The following SGCZ variants were observed in gnomAD, a reference collection of about 807,000 sequenced individuals.
The protein encoded by SGCZ is sarcoglycan zeta, also known as zeta-sarcoglycan.
In SGCZ, 40 loss-of-function variants were observed where a neutral mutation model predicts 41.3. The ratio of observed to expected loss-of-function variants is 0.97; its 90% CI spans 0.75 to 1.26. The LOEUF (loss-of-function observed/expected upper bound fraction) is 1.26, where lower values mean the gene tolerates loss of function less well. Among genes scored for constraint, SGCZ ranks in the 50% most tolerant of loss-of-function variants. SGCZ has a pLI of 0.00. For synonymous variants in SGCZ, 206 were observed against 137.5 expected, an observed-to-expected ratio of 1.50 and a Z score of -3.49; for missense variants, 552 against 369.8, an observed-to-expected ratio of 1.49 and a Z score of -4.04.
intron 2 of SGCZ, among the ~76,000 whole-genome samples, chr8:14,513,599 G>C (rs978398215): frequency 8.2e-6 from 1 of 122,012 alleles, no homozygotes; most frequent in Non-Finnish European, 1.8e-5. Context: ...ATCTAAGAAA[G>C]AGATAATCCA....
intron 2 of SGCZ, among the ~76,000 whole-genome samples, chr8:14,383,347 C>G (rs1804440669): frequency 6.6e-6 from 1 of 152,180 alleles, no homozygotes. Context: ...CTGATTTTAT[C>G]ACTACTTAAC....
chr8:14,280,830 A>G (rs1800404251), intron 3 of SGCZ, among the ~76,000 whole-genome samples: 1 of 151,118 alleles, frequency 6.6e-6, no homozygotes, highest in African/African-American at 2.4e-5. Flanking sequence ...GACTTATATG[A>G]AAGGTGGTTT....
chr8:14,345,082 C>G (rs189791443), intron 2 of SGCZ, among the ~76,000 whole-genome samples: 1 of 152,016 alleles, frequency 6.6e-6, no homozygotes, highest in East Asian at 1.9e-4. Context: ...TCCTATTAAA[C>G]AGTAAGATAA....
At chr8:15,100,736 A>C (rs1806577075) in intron 1 of SGCZ, among the ~76,000 whole-genome samples, 1 of 152,210 alleles carries the variant, frequency 6.6e-6, no homozygotes, top group Admixed American at 6.5e-5. Flanking sequence ...TAATCCTGGC[A>C]TTTTGGGAGG....
At chr8:14,140,586 T>G (rs946836795) in intron 5 of SGCZ, among the ~76,000 whole-genome samples, 7 of 151,980 alleles carry the variant, frequency 4.6e-5, no homozygotes, top group African/African-American at 7.3e-5. Flanking sequence ...TCAAAGAGAA[T>G]AAAATACCTA....
At chr8:14,831,788 G>GTGTGTACACATACATGTATATA (rs11268632) in intron 1 of SGCZ, among the ~76,000 whole-genome samples, 131,178 of 148,612 alleles carry the variant, frequency 0.88, 58,652 homozygotes, top group South Asian at 0.95. Context: ...ACGTATATAT[G>GTGTGTACACATACATGTATATA]TGTGTACACA....
intron 1 of SGCZ, among the ~76,000 whole-genome samples, chr8:14,561,857 T>C (rs918339901): frequency 3.9e-5 from 6 of 152,144 alleles, no homozygotes; most frequent in African/African-American, 9.7e-5. Context: ...TGTTATAAGG[T>C]TCAATGAAAG....
At chr8:14,171,497 A>G (rs1020400521) in intron 4 of SGCZ, among the ~76,000 whole-genome samples, 1 of 152,054 alleles carries the variant, frequency 6.6e-6, no homozygotes, top group East Asian at 1.9e-4. Flanking sequence ...GTACCAATTC[A>G]GTACAAGTTC....
At chr8:14,437,840 T>A (rs1190494089) in intron 2 of SGCZ, among the ~76,000 whole-genome samples, 2 of 151,914 alleles carry the variant, frequency 1.3e-5, no homozygotes, top group Non-Finnish European at 2.9e-5. Context: ...AATTTTAATA[T>A]AAGGATTTGT....
At chr8:14,165,416 A>G (rs1804177815) in intron 4 of SGCZ, 1 of 152,166 alleles carries the variant, frequency 6.6e-6, no homozygotes, top group Admixed American at 6.5e-5. Context: ...GCCAGCTTCC[A>G]TATTTAGAAA....
intron 1 of SGCZ, among the ~76,000 whole-genome samples, chr8:14,806,731 G>C (rs1385431701): frequency 6.6e-6 from 1 of 152,150 alleles, no homozygotes. Context: ...ACTCATTTTA[G>C]GGAGTTAGCA....
intron 1 of SGCZ, among the ~76,000 whole-genome samples, chr8:15,002,510 A>T (rs184631720): frequency 6.6e-6 from 1 of 152,244 alleles, no homozygotes; most frequent in East Asian, 1.9e-4. Flanking sequence ...AGAAATAGGA[A>T]CCCAGCAGCC....
intron 1 of SGCZ, among the ~76,000 whole-genome samples, chr8:14,578,057 T>C (rs1804770416): frequency 6.6e-6 from 1 of 152,184 alleles, no homozygotes; most frequent in Non-Finnish European, 1.5e-5. Flanking sequence ...TTGTGCACCA[T>C]TCCTTACTCA....
At chr8:14,279,261 C>G (rs1212113933) in intron 3 of SGCZ, among the ~76,000 whole-genome samples, 2 of 151,956 alleles carry the variant, frequency 1.3e-5, no homozygotes, top group Non-Finnish European at 2.9e-5. Flanking sequence ...ATTCATAAAA[C>G]ATAGCATTTA....
chr8:14,615,843 A>C (rs1806082323), intron 1 of SGCZ, among the ~76,000 whole-genome samples: 1 of 152,204 alleles, frequency 6.6e-6, no homozygotes, highest in Non-Finnish European at 1.5e-5. Flanking sequence ...GCAAGTGTCA[A>C]TTCTGTTTCA....
At chr8:15,119,541 G>GA (rs534457696) in intron 1 of SGCZ, among the ~76,000 whole-genome samples, 160 of 137,214 alleles carry the variant, frequency 1.2e-3, no homozygotes, top group South Asian at 1.2e-3. Flanking sequence ...AAAAAGAAAA[G>GA]AAAAAAAAAA....
intron 1 of SGCZ, among the ~76,000 whole-genome samples, chr8:15,111,546 G>C (rs569879730): frequency 1.3e-5 from 2 of 152,212 alleles, no homozygotes; most frequent in East Asian, 3.9e-4. Context: ...TTGTAAATGG[G>C]ACCTTGAGCC....
intron 1 of SGCZ, among the ~76,000 whole-genome samples, chr8:15,039,992 T>A (rs1044546016): frequency 6.6e-6 from 1 of 152,176 alleles, no homozygotes; most frequent in Non-Finnish European, 1.5e-5. Flanking sequence ...ACACATTTAA[T>A]TTGCAAAAAA....
intron 1 of SGCZ, among the ~76,000 whole-genome samples, chr8:15,229,366 A>T (rs1327596115): frequency 6.6e-6 from 1 of 152,220 alleles, no homozygotes; most frequent in African/African-American, 2.4e-5. Flanking sequence ...ATAATTTCAA[A>T]AGTCAAAAAT....
Sources: allele counts gnomAD v4.1 joint callset (sites outside exome capture counted in the v4.1 genomes callset), GRCh38; gene constraint gnomAD v4.1.1; transcripts MANE v1.5; gene names NCBI Gene and HGNC (gene_info 2026-07-23, HGNC 2026-07-21).